FRYL: variants seen among roughly 807,000 people sequenced by gnomAD.
The protein encoded by FRYL is protein furry homolog-like.
FRYL carries 150 observed loss-of-function variants against 351.2 expected under a neutral mutation model. The observed-to-expected ratio is 0.43, with a 90% CI of 0.37 to 0.49. The LOEUF (loss-of-function observed/expected upper bound fraction) is 0.49, where lower values mean the gene tolerates loss of function less well. FRYL is among the 20% of genes least tolerant of loss of function. FRYL has a pLI of 0.00. For missense variants in FRYL, 3,036 were observed against 3,619.3 expected (o/e 0.84, Z 4.13); for synonymous variants, 1,153 against 1,257.1 (o/e 0.92, Z 1.75).
At chr4:48,535,412 T>G (rs1728650568) in intron 48 of FRYL, among the ~76,000 whole-genome samples, 1 of 152,062 alleles carries the variant, frequency 6.6e-6, no homozygotes, top group Non-Finnish European at 1.5e-5. Context: ...TTATAAAAAC[T>G]TCTTTTACAC....
rs775199238 is a variant in FRYL at position 48,527,556 on chromosome 4, A to G, written c.7238T>C (p.Val2413Ala). ...CTGTTGTTCACTGCTATTATCTTCC[A>G]CAGCTACTTCTTCCTCTTGATTTAT... ...EDINQEEEVA[V>A]EDNSSEQQFG... Residue 2413 changes from valine to alanine, a missense_variant, in exon 53 of 64, where the codon GTG (valine) becomes GCG (alanine). Physicochemically the swap from Val to Ala is moderately conservative, Grantham distance 64 (BLOSUM62 0). Around this residue, in one of 7 missense-constraint regions of FRYL, gnomAD observed 1,987 missense variants for 2,311.7 expected, o/e 0.86. Transcript: ENST00000358350. 6.2e-7 allele frequency: 1 copy of G among 1,613,286 alleles called. No individual in the cohort carries two copies. Among genetic ancestry groups the G allele is most frequent in the Non-Finnish European group, 8.5e-7 (1 of 1,179,512 alleles).
At chr4:48,655,449 A>C (rs960664027) in intron 3 of FRYL, among the ~76,000 whole-genome samples, 5 of 151,956 alleles carry the variant, frequency 3.3e-5, no homozygotes, top group African/African-American at 1.2e-4. Flanking sequence ...GAAACACTAC[A>C]TACTATAATA....
At chr4:48,682,785 T>C (rs1054413836) in intron 3 of FRYL, among the ~76,000 whole-genome samples, 33 of 152,166 alleles carry the variant, frequency 2.2e-4, no homozygotes, top group Non-Finnish European at 2.5e-4. Context: ...TTGGAGAGGA[T>C]ATAGAGAAAT....
chr4:48,610,525 C>T (rs991901057), intron 7 of FRYL, among the ~76,000 whole-genome samples: 20 of 150,848 alleles, frequency 1.3e-4, no homozygotes, highest in South Asian at 4.2e-4. Context: ...GTATTTAGAG[C>T]GCCTCCTTAT....
At position 48,510,149 on chromosome 4, in the gene FRYL, T is replaced by A. The variant is rs1208100886; in HGVS notation, c.8304A>T (p.Ser2768=). The A allele has an allele frequency of 1.2e-6, 2 of 1,610,986 alleles. No individual in the cohort carries two copies. The highest frequency in any genetic ancestry group is 2.2e-5 in the South Asian group (2 of 91,006). ...TVFVDAETLM[S]CGLLETLKFG... ...ACTTGAGTGTTTCCAGCAAACCACA[T>A]GACATCAGCTGTCAAATCAGAAGTA... Residue 2768 remains serine, a synonymous_variant, in exon 59 of 64, where the codon TCA becomes TCT. Transcript: ENST00000358350.
intron 33 of FRYL, among the ~76,000 whole-genome samples, chr4:48,558,439 G>A (rs1369817821): frequency 6.6e-6 from 1 of 152,182 alleles, no homozygotes; most frequent in Non-Finnish European, 1.5e-5. Flanking sequence ...TGGGGGCAGA[G>A]GGAAAAGCAG....
chr4:48,529,413 A>G (rs2148872153), intron 50 of FRYL, among the ~76,000 whole-genome samples: 1 of 152,286 alleles, frequency 6.6e-6, no homozygotes, highest in East Asian at 1.9e-4. Flanking sequence ...AGTATATAAA[A>G]TGTTTTGAGA....
At chr4:48,577,441 A>G (rs916117822) in intron 23 of FRYL, among the ~76,000 whole-genome samples, 2 of 152,236 alleles carry the variant, frequency 1.3e-5, no homozygotes, top group African/African-American at 4.8e-5. Context: ...ACAATGTCCT[A>G]GTATGTTAGA....
At chr4:48,510,316 G>C (rs747807817) in intron 58 of FRYL, among the ~76,000 whole-genome samples, 159 bp from the exon 59 acceptor site, 3 of 152,134 alleles carry the variant, frequency 2.0e-5, no homozygotes, top group Non-Finnish European at 2.9e-5. Context: ...GCTCTCACTG[G>C]AACAGAGTAG....
chr4:48,571,407 A>G (rs936437148), intron 26 of FRYL, among the ~76,000 whole-genome samples: 1 of 152,232 alleles, frequency 6.6e-6, no homozygotes, highest in Non-Finnish European at 1.5e-5. Flanking sequence ...ATATGAATAA[A>G]TATGTTTGTA....
chr4:48,599,350 T>C (rs1745240916), intron 13 of FRYL, among the ~76,000 whole-genome samples: 1 of 152,194 alleles, frequency 6.6e-6, no homozygotes, highest in Admixed American at 6.5e-5. Flanking sequence ...GGACAAAAAT[T>C]AAAGATTTAA....
intron 3 of FRYL, among the ~76,000 whole-genome samples, chr4:48,648,660 A>G (rs1757026018): frequency 6.6e-6 from 1 of 152,224 alleles, no homozygotes; most frequent in African/African-American, 2.4e-5. Flanking sequence ...CAATTGAAGA[A>G]TGGATAAACA....
At chr4:48,606,097 G>GAAAAA (rs59467789) in intron 10 of FRYL, among the ~76,000 whole-genome samples, 1 of 57,544 alleles carries the variant, frequency 1.7e-5, no homozygotes, top group Non-Finnish European at 3.3e-5. Context: ...CTCTACTAAA[G>GAAAAA]AAAAAAAAAA....
intron 11 of FRYL, among the ~76,000 whole-genome samples, chr4:48,604,233 A>T (rs890285387): frequency 6.6e-6 from 1 of 152,248 alleles, no homozygotes; most frequent in African/African-American, 2.4e-5. Flanking sequence ...GTAAATGAGT[A>T]AAGAAAGAGA....
chr4:48,674,736 C>CAAA (rs58696045), intron 3 of FRYL, among the ~76,000 whole-genome samples: 1,045 of 55,756 alleles, frequency 0.019, 166 homozygotes, highest in African/African-American at 0.082. Context: ...GACTCTGTCT[C>CAAA]AAAAAAAAAA....
rs369402380 is a variant in FRYL at position 48,534,663 on chromosome 4, C to T, written c.6587G>A (p.Ser2196Asn). ...LAELLEKGLS[S>N]MQQSLLQIIY... is the part of the protein sequence containing the mutation. ...AATCTGTAGTAATGATTGCTGCATACTGGACAATCCTTTCTCTAACAGCTA... is the reference window on the plus strand; with the variant it reads ...AATCTGTAGTAATGATTGCTGCATATTGGACAATCCTTTCTCTAACAGCTA... The change falls in exon 49 of 64, where the codon AGT becomes AAT. Residue 2196 changes from serine to asparagine, a missense_variant. Ser to Asn is a conservative substitution (Grantham distance 46). Transcript: ENST00000358350. 4.1e-5 allele frequency: 64 copies of T among 1,558,654 alleles called. No homozygotes were observed. The highest frequency in any genetic ancestry group is 5.6e-5 in the Non-Finnish European group (64 of 1,135,372).
intron 7 of FRYL, 152 bp downstream of exon 7, chr4:48,619,122 C>T: frequency 1.7e-6 from 1 of 594,672 alleles, no homozygotes; most frequent in South Asian, 2.4e-5. Flanking sequence ...GGCAGGAAAG[C>T]CCCAGGCAAC....
chr4:48,772,392 A>G (rs1429522045), intron 1 of FRYL, among the ~76,000 whole-genome samples: 2 of 152,172 alleles, frequency 1.3e-5, no homozygotes, highest in Admixed American at 1.3e-4. Context: ...TGTCAAAAAA[A>G]TAAATAAATA....
chr4:48,766,243 G>C (rs1774933415), intron 1 of FRYL, among the ~76,000 whole-genome samples: 1 of 152,132 alleles, frequency 6.6e-6, no homozygotes. Context: ...GGTTTGTGAG[G>C]AACTACACAC....
Sources: gnomAD v4.1 joint callset for allele counts (sites outside exome capture counted in the v4.1 genomes callset) on GRCh38, gnomAD v4.1.1 for gene constraint, gnomAD v4.1.1 regional missense constraint, MANE v1.5 for transcripts, NCBI Gene and HGNC (gene_info 2026-07-23, HGNC 2026-07-21) for gene names.